NCKAP5L: variants seen among roughly 807,000 people sequenced by gnomAD.
NCKAP5L encodes the protein NCK associated protein 5 like, also known as nck-associated protein 5-like.
NCKAP5L carries 54 observed loss-of-function variants against 103.2 expected under a neutral mutation model. The observed-to-expected ratio is 0.52, with a 90% CI of 0.42 to 0.66. The LOEUF (loss-of-function observed/expected upper bound fraction) is 0.66, where lower values mean the gene tolerates loss of function less well. NCKAP5L is among the 30% of genes least tolerant of loss of function. NCKAP5L has a pLI of 0.00. For synonymous variants in NCKAP5L, 762 were observed against 748.6 expected (o/e 1.02, Z -0.29); for missense variants, 1,733 against 1,750.6 (o/e 0.99, Z 0.18).
In NCKAP5L at chr12:49,792,999, G is replaced by A. The variant is rs573081733; in HGVS notation, c.3341-13C>T. The A allele has an allele frequency of 6.6e-7, 1 of 1,518,206 alleles. No individual in the cohort carries two copies. The highest frequency in any genetic ancestry group is 2.0e-5 in the Admixed American group (1 of 49,160). The allele number at this position is 1,518,206 out of a possible 1,614,324, so 94.0% of individuals were successfully genotyped here. A position where few individuals can be genotyped will look rare whatever the true frequency, so the allele number is the denominator to read the frequency against. On this transcript the variant is annotated splice_polypyrimidine_tract_variant and intron_variant, in intron 10 of 12. Transcript: ENST00000335999. The surrounding 1 kb of genome is among the most constrained non-coding windows in gnomAD (Gnocchi z 4.5). ...AAGGAGCCACAGGCTGGGGAGGGGA[G>A]GGGAGGGCCCGTTAAGAGTGTGAGG...
chr12:49,812,297 G>C (rs1260349340), intron 1 of NCKAP5L, among the ~76,000 whole-genome samples: 1 of 151,930 alleles, frequency 6.6e-6, no homozygotes, highest in Non-Finnish European at 1.5e-5. Context: ...TGCCTTTTAC[G>C]ACTGGCTTCT....
At chr12:49,816,263 C>G (rs968511761) in intron 1 of NCKAP5L, among the ~76,000 whole-genome samples, 2 of 152,070 alleles carry the variant, frequency 1.3e-5, no homozygotes, top group Non-Finnish European at 2.9e-5. Context: ...CCAGACCAGG[C>G]CCTGAGCCAC....
In NCKAP5L at chr12:49,797,306, C is replaced by T. The variant is rs756292713; in HGVS notation, c.554G>A (p.Arg185Gln). 2.3e-5 allele frequency: 37 copies of T among 1,613,264 alleles called. No homozygotes were observed. The highest frequency in any genetic ancestry group is 2.6e-5 in the Non-Finnish European group (31 of 1,179,796). The change falls in exon 8 of 13, where the codon CGG (arginine) becomes CAG (glutamine). Residue 185 changes from arginine (R) to glutamine (Q), a missense_variant. Physicochemically the swap from Arg to Gln is conservative, Grantham distance 43. Transcript: ENST00000335999. This position sits in a 1 kb window ranked among gnomAD's most constrained non-coding sequence, Gnocchi z 4.5. ...CACCTCCAGAATCTGGGCCTTCTTCCGAAGGAACGGGGATAGGGCATCCAG... is the reference window on the plus strand; with the variant it reads ...CACCTCCAGAATCTGGGCCTTCTTCTGAAGGAACGGGGATAGGGCATCCAG... ...PALDALSPFL[R>Q]KKAQILEVLR... is the part of the protein sequence containing the mutation.
At position 49,796,247 on chromosome 12, in the gene NCKAP5L, G is replaced by A. The variant is rs555558496; in HGVS notation, c.1613C>T (p.Pro538Leu). The change falls in exon 8 of 13, where the codon CCG becomes CTG. Residue 538 changes from proline to leucine, a missense_variant. By Grantham distance (98) the Pro-to-Leu change is moderately conservative. Coordinates refer to ENST00000335999, the MANE Select transcript of NCKAP5L (RefSeq NM_001037806.4). ...TTPDSTQLRP[P>L]QSALSTTLSP... ...CAGCGTGGTGGACAAGGCTGACTGC[G>A]GGGGTCTGAGCTGTGTGGAGTCTGG... is the stretch of plus-strand genomic sequence containing the variant. 2.6e-5 allele frequency: 41 copies of A among 1,573,010 alleles called. No individual in the cohort carries two copies. Among genetic ancestry groups the A allele is most frequent in the East Asian group, 4.5e-5 (2 of 44,598 alleles).
rs1246415134 is a variant in NCKAP5L at position 49,795,949 on chromosome 12, G to T, written c.1911C>A (p.Thr637=). The T allele has an allele frequency of 1.3e-6, 2 of 1,530,122 alleles. No individual in the cohort carries two copies. Among genetic ancestry groups the T allele is most frequent in the African/African-American group, 2.8e-5 (2 of 71,838 alleles). The allele number at this position is 1,530,122 out of a possible 1,614,324, so 94.8% of individuals were successfully genotyped here. Residue 637 remains threonine, a synonymous_variant, in exon 8 of 13, where the codon ACC becomes ACA. Coordinates refer to ENST00000335999, the MANE Select transcript of NCKAP5L (RefSeq NM_001037806.4). ...TGGGCTTCTTGGATGAGTTGCCTGGGGTCCTGCGGCCGGGATGGGGAGACT... is the reference window on the plus strand; with the variant it reads ...TGGGCTTCTTGGATGAGTTGCCTGGTGTCCTGCGGCCGGGATGGGGAGACT... ...GSESPHPGRR[T]PGNSSKKPSQ...
rs769544445 is a variant in NCKAP5L at position 49,803,985 on chromosome 12, A to C, written c.60T>G (p.Gly20=). 1.2e-6 allele frequency: 2 copies of C among 1,611,854 alleles called. No homozygotes were observed. Among genetic ancestry groups the C allele is most frequent in the Non-Finnish European group, 1.7e-6 (2 of 1,179,882 alleles). Residue 20 remains glycine (G), a synonymous_variant, in exon 3 of 13, where the codon GGT becomes GGG. Coordinates refer to ENST00000335999, the MANE Select transcript of NCKAP5L (RefSeq NM_001037806.4). ...TGCCTGGCTCCATGCTGCCATCATC[A>C]CCCTCTCCTGGCCTTGGGTTTCCAG... ...GGPGNPRPGE[G]DDGSMEPGTC... is the part of the protein sequence containing the mutation.
Position 49,797,402 on chromosome 12 carries a change from G to A in NCKAP5L, c.466-8C>T. ...CTGCTGCTCCCAACATACCTTAGGGGAGAGATGATGGCATGAGGAGGAGAC... is the reference window on the plus strand; with the variant it reads ...CTGCTGCTCCCAACATACCTTAGGGAAGAGATGATGGCATGAGGAGGAGAC... On this transcript the variant is annotated splice_polypyrimidine_tract_variant and splice_region_variant and intron_variant, in intron 7 of 12. Transcript: ENST00000335999. This position sits in a 1 kb window ranked among gnomAD's most constrained non-coding sequence, Gnocchi z 4.5. 6.3e-7 allele frequency: 1 copy of A among 1,585,440 alleles called. No homozygotes were observed. Among genetic ancestry groups the A allele is most frequent in the Non-Finnish European group, 8.6e-7 (1 of 1,163,932 alleles).
At chr12:49,827,904 C>G (rs1307475354) in intron 1 of NCKAP5L, among the ~76,000 whole-genome samples, 1 of 152,216 alleles carries the variant, frequency 6.6e-6, no homozygotes, top group African/African-American at 2.4e-5. Flanking sequence ...CCCCTCCCCC[C>G]GCAATAACCC....
rs1345977680 is a variant in NCKAP5L at position 49,796,313 on chromosome 12, G to T, written c.1547C>A (p.Ala516Glu). The T allele has an allele frequency of 6.5e-7, 1 of 1,543,332 alleles. No individual in the cohort carries two copies. The highest frequency in any genetic ancestry group is 1.4e-5 in the African/African-American group (1 of 72,946). ...TGAAGGGCTGGTGGGCAGGCCTTGC[G>T]CCCCCTCTGGGGACAGCTCTCCTCC... ...LGGGELSPEG[A>E]QGLPTSPSPC... Residue 516 changes from alanine to glutamate, a missense_variant, in exon 8 of 13, where the codon GCG becomes GAG. Coordinates refer to ENST00000335999, the MANE Select transcript of NCKAP5L (RefSeq NM_001037806.4).
intron 1 of NCKAP5L, among the ~76,000 whole-genome samples, chr12:49,824,438 CT>C (rs752507617): frequency 6.6e-6 from 1 of 152,240 alleles, no homozygotes; most frequent in Non-Finnish European, 1.5e-5. Flanking sequence ...CTGAAGCCCC[CT>C]TGCATCCTTG....
At position 49,791,257 on chromosome 12, in the gene NCKAP5L, T is replaced by G. The variant is rs1945929902; in HGVS notation, c.*582A>C. On this transcript the variant is annotated 3_prime_UTR_variant, in exon 13 of 13. Transcript: ENST00000335999. ...TTAACCGCAGTGCGGGGCTGGGGGC[T>G]GGGGGCTGGGCCAGGCGCTTCAATA... 6.5e-6 allele frequency: 1 copy of G among 153,290 alleles called. No individual in the cohort carries two copies. Among genetic ancestry groups the G allele is most frequent in the African/African-American group, 2.4e-5 (1 of 41,446 alleles). 9.5% of individuals were successfully genotyped at this position (153,290 alleles called of 1,614,324 possible).
chr12:49,819,244 G>A (rs1346113828), intron 1 of NCKAP5L, among the ~76,000 whole-genome samples: 2 of 151,696 alleles, frequency 1.3e-5, no homozygotes, highest in Non-Finnish European at 2.9e-5. Flanking sequence ...CCTGGGAGGT[G>A]GAGCTCGCAG....
rs1945959227 is a variant in NCKAP5L, at chr12:49,792,773, T to A, written c.3554A>T (p.Glu1185Val). The A allele has an allele frequency of 1.2e-6, 2 of 1,608,602 alleles. No individual in the cohort carries two copies. The highest frequency in any genetic ancestry group is 1.7e-6 in the Non-Finnish European group (2 of 1,178,802). The change falls in exon 11 of 13, where the codon GAG becomes GTG. Residue 1185 changes from glutamate to valine, a missense_variant. Glu to Val is a moderately radical substitution (Grantham distance 121, BLOSUM62 -2). Coordinates refer to ENST00000335999, the MANE Select transcript of NCKAP5L (RefSeq NM_001037806.4). The surrounding 1 kb of genome is among the most constrained non-coding windows in gnomAD (Gnocchi z 4.5). ...TLEREVPGIE[E>V]LLVSGRHPSM... ...GGGGTGCCGCCCACTCACCAGCAGC[T>A]CCTCTATGCCTGGCACCTCCCGCTC...
chr12:49,800,561 A>C (rs1946107530), intron 6 of NCKAP5L, among the ~76,000 whole-genome samples: 1 of 152,276 alleles, frequency 6.6e-6, no homozygotes, highest in Non-Finnish European at 1.5e-5. Flanking sequence ...CTGTGGGCCA[A>C]GCGCGACACA....
chr12:49,825,350 G>C (rs1308374146), intron 1 of NCKAP5L, among the ~76,000 whole-genome samples: 1 of 152,250 alleles, frequency 6.6e-6, no homozygotes, highest in East Asian at 1.9e-4. Flanking sequence ...GAGACAGTGA[G>C]AGCGGTGGTG....
chr12:49,791,711 A>G lies in NCKAP5L; in HGVS notation c.*128T>C. The G allele has an allele frequency of 1.3e-6, 1 of 771,206 alleles. No homozygotes were observed. Among genetic ancestry groups the G allele is most frequent in the Non-Finnish European group, 2.0e-6 (1 of 501,196 alleles). The allele number at this position is 771,206 out of a possible 1,614,324, so 47.8% of individuals were successfully genotyped here. ...GGGGTGTGCCAGGGACCCCCTTTTC[A>G]CCTTCTTATCCACCTGCCTCCTTGG... On this transcript the variant is annotated 3_prime_UTR_variant, in exon 13 of 13. Transcript: ENST00000335999.
At chr12:49,815,968 C>T (rs778671529) in intron 1 of NCKAP5L, among the ~76,000 whole-genome samples, 14 of 152,190 alleles carry the variant, frequency 9.2e-5, no homozygotes, top group Non-Finnish European at 1.8e-4. Flanking sequence ...CTTTTGGGAA[C>T]GACCAAAGCC....
intron 1 of NCKAP5L, among the ~76,000 whole-genome samples, chr12:49,808,129 G>A (rs1350690725): frequency 6.6e-6 from 1 of 152,184 alleles, no homozygotes; most frequent in African/African-American, 2.4e-5. Context: ...GGAGCATGGA[G>A]ACCCCACACA....
rs1945950977 is a variant in NCKAP5L at position 49,792,417 on chromosome 12, C to T, written c.3792+29G>A. 3 of 1,611,926 alleles carry T rather than the reference C, an allele frequency of 1.9e-6. No homozygotes were observed. Among genetic ancestry groups the T allele is most frequent in the Non-Finnish European group, 8.5e-7 (1 of 1,179,150 alleles). ...CATCACTCCCTCCTGCTCCCGAGTC[C>T]TTTCCCTTTCCTCTGCTGCAATTCT... On this transcript the variant is annotated intron_variant, in intron 12 of 12. Coordinates refer to ENST00000335999, the MANE Select transcript of NCKAP5L (RefSeq NM_001037806.4). This position sits in a 1 kb window ranked among gnomAD's most constrained non-coding sequence, Gnocchi z 4.5.
Sources: gnomAD v4.1 joint callset for allele counts (sites outside exome capture counted in the v4.1 genomes callset) on GRCh38, gnomAD v4.1.1 for gene constraint, Gnocchi (gnomAD v3.1) non-coding constraint, MANE v1.5 for transcripts, NCBI Gene and HGNC (gene_info 2026-07-23, HGNC 2026-07-21) for gene names.